LECT2: variants seen among roughly 807,000 people sequenced by gnomAD.
LECT2 encodes the protein leukocyte cell-derived chemotaxin-2.
LECT2 carries 11 observed loss-of-function variants against 16.6 expected under a neutral mutation model. That is an observed-to-expected ratio of 0.66 (90% CI 0.42 to 1.09). LECT2 has a LOEUF of 1.09. Ranked by LOEUF, LECT2 falls within the 50% of genes least tolerant of loss-of-function variation. The probability of loss-of-function intolerance (pLI) is 0.00; values close to 1 mark genes in which losing one functional copy is unlikely to be tolerated. For synonymous variants in LECT2, 54 were observed against 64.8 expected, an observed-to-expected ratio of 0.83 and a Z score of 0.80; for missense variants, 173 against 184.2, an observed-to-expected ratio of 0.94 and a Z score of 0.35.
rs766289861 is a variant in LECT2 at position 135,951,273 on chromosome 5, G to A, written c.239C>T (p.Pro80Leu). The A allele has an allele frequency of 6.2e-7, 1 of 1,614,138 alleles. No individual in the cohort carries two copies. Among genetic ancestry groups the A allele is most frequent in the Non-Finnish European group, 8.5e-7 (1 of 1,179,998 alleles). Residue 80 changes from proline (P) to leucine (L), a missense_variant, in exon 3 of 4, where the codon CCT (proline) becomes CTT (leucine). By Grantham distance (98) the Pro-to-Leu change is moderately conservative. Transcript: ENST00000274507. Reference sequence around the variant, plus strand: ...ATTGATAGCATTCTTGTTTTGATAAGGTTTCTCCTGGCCCACAATCATTCC... The same window carrying A: ...ATTGATAGCATTCTTGTTTTGATAAAGTTTCTCCTGGCCCACAATCATTCC... ...FTGMIVGQEK[P>L]YQNKNAINNG... is the part of the protein sequence containing the mutation.
chr5:135,947,213 G>A lies in LECT2; in HGVS notation c.*118C>T. The A allele has an allele frequency of 1.2e-6, 1 of 860,480 alleles. No homozygotes were observed. Among genetic ancestry groups the A allele is most frequent in the Middle Eastern group, 2.3e-4 (1 of 4,260 alleles). The allele number at this position is 860,480 out of a possible 1,614,324, so 53.3% of individuals were successfully genotyped here. A position where few individuals can be genotyped will look rare whatever the true frequency, so the allele number is the denominator to read the frequency against. On this transcript the variant is annotated 3_prime_UTR_variant, in exon 4 of 4. Transcript: ENST00000274507. ...GTAATAATCATGTCATGGAAAATGGGGTATCCATCCCTTCATGCATTTTTC... is the reference window on the plus strand; with the variant it reads ...GTAATAATCATGTCATGGAAAATGGAGTATCCATCCCTTCATGCATTTTTC...
intron 1 of LECT2, among the ~76,000 whole-genome samples, chr5:135,954,437 G>C (rs1019419370): frequency 7.2e-5 from 11 of 152,156 alleles, no homozygotes; most frequent in Non-Finnish European, 1.5e-4. Flanking sequence ...CTCTGTATTA[G>C]TATCTGTATC....
chr5:135,951,102 T>C (rs1580673838), intron 3 of LECT2, 121 bp downstream of exon 3: 3 of 1,038,248 alleles, frequency 2.9e-6, no homozygotes, highest in South Asian at 1.6e-5. Context: ...CTATATTCTT[T>C]CTGTTCCAGG....
chr5:135,952,740 TA>T, intron 2 of LECT2, 130 bp downstream of exon 2: 1 of 630,310 alleles, frequency 1.6e-6, no homozygotes, highest in Admixed American at 2.4e-5. Flanking sequence ...GACAGTGATG[TA>T]ACTGGTTACA....
intron 3 of LECT2, among the ~76,000 whole-genome samples, chr5:135,949,028 G>T (rs1328724112): frequency 6.6e-6 from 1 of 152,106 alleles, no homozygotes; most frequent in Non-Finnish European, 1.5e-5. Flanking sequence ...GGATAGTTCT[G>T]CTGTAGAAGA....
At position 135,947,156 on chromosome 5, in the gene LECT2, A is replaced by T; in HGVS notation, c.*175T>A. 1 of 547,146 alleles carries T rather than the reference A, an allele frequency of 1.8e-6. No individual in the cohort carries two copies. The highest frequency in any genetic ancestry group is 3.1e-6 in the Non-Finnish European group (1 of 317,468). The allele number at this position is 547,146 out of a possible 1,614,324, so 33.9% of individuals were successfully genotyped here. ...ACATAGGTGTATTTGTTTATGAGGT[A>T]CGTGAGATGTTTTGATACAGGCATG... On this transcript the variant is annotated 3_prime_UTR_variant, in exon 4 of 4. Transcript: ENST00000274507.
intron 2 of LECT2, 57 bp from the exon 3 acceptor site, chr5:135,951,425 C>T: frequency 6.6e-7 from 1 of 1,513,352 alleles, no homozygotes; most frequent in Non-Finnish European, 9.0e-7. Context: ...AGCTTTACTG[C>T]CTGGGAACAT....
chr5:135,952,566 T>C (rs578224280), intron 2 of LECT2, among the ~76,000 whole-genome samples: 1 of 152,338 alleles, frequency 6.6e-6, no homozygotes, highest in Non-Finnish European at 1.5e-5. Flanking sequence ...AATGGGATAG[T>C]TGTGTTTAAT....
intron 3 of LECT2, among the ~76,000 whole-genome samples, chr5:135,949,444 A>C (rs1763760118): frequency 6.6e-6 from 1 of 152,202 alleles, no homozygotes; most frequent in Non-Finnish European, 1.5e-5. Flanking sequence ...ACCCTAGTGA[A>C]AAGCTATATT....
intron 3 of LECT2, among the ~76,000 whole-genome samples, chr5:135,948,495 G>A (rs1763734238): frequency 6.6e-6 from 1 of 151,822 alleles, no homozygotes; most frequent in Non-Finnish European, 1.5e-5. Context: ...GTGCTTTAAT[G>A]GTAAAATACA....
intron 1 of LECT2, chr5:135,953,243 C>T (rs1297628135): frequency 3.0e-6 from 1 of 330,862 alleles, no homozygotes; most frequent in African/African-American, 2.2e-5. Context: ...CACTCTGTTG[C>T]CAAGCTGGAG....
At chr5:135,948,376 G>A (rs31527) in intron 3 of LECT2, among the ~76,000 whole-genome samples, 22,502 of 152,044 alleles carry the variant, frequency 0.15, 1,896 homozygotes, top group Admixed American at 0.23. Context: ...ACTGCAAACC[G>A]GTCAAGTGAG....
intron 3 of LECT2, 92 bp from the exon 4 acceptor site, chr5:135,947,589 AG>A: frequency 3.0e-6 from 4 of 1,327,220 alleles, no homozygotes; most frequent in Non-Finnish European, 4.0e-6. Context: ...AATAAAAAAA[AG>A]AATGTTGAAT....
intron 3 of LECT2, among the ~76,000 whole-genome samples, chr5:135,947,886 C>T (rs1017274173): frequency 1.3e-5 from 2 of 151,980 alleles, no homozygotes; most frequent in African/African-American, 4.8e-5. Flanking sequence ...GGCAAAGACC[C>T]AAGTAGAGAA....
At position 135,947,231 on chromosome 5, in the gene LECT2, CATTTTTCCTTTGTGAACACAA is replaced by C; in HGVS notation, c.*79_*99del. On this transcript the variant is annotated 3_prime_UTR_variant, in exon 4 of 4. Transcript: ENST00000274507. Reference sequence around the variant, plus strand: ...AAAATGGGGTATCCATCCCTTCATGCATTTTTCCTTTGTGAACACAAATTTCTTGAAGAGAAGGGTATGCAT... The same window carrying C: ...AAAATGGGGTATCCATCCCTTCATGCATTTCTTGAAGAGAAGGGTATGCAT... 9.2e-7 allele frequency: 1 copy of C among 1,092,158 alleles called. No homozygotes were observed. The highest frequency in any genetic ancestry group is 1.3e-6 in the Non-Finnish European group (1 of 740,852). The allele number at this position is 1,092,158 out of a possible 1,614,324, so 67.7% of individuals were successfully genotyped here.
In LECT2 at chr5:135,954,790, G is replaced by A. The variant is rs569920367; in HGVS notation, c.44C>T (p.Thr15Ile). The A allele has an allele frequency of 2.2e-5, 35 of 1,611,500 alleles. No homozygotes were observed. Among genetic ancestry groups the A allele is most frequent in the Non-Finnish European group, 2.7e-5 (32 of 1,177,774 alleles). ...KALLLAGLIS[T>I]ALAGPWANIC... is the part of the protein sequence containing the mutation. The stretch of plus-strand genomic sequence containing the variant: ...CTAAAATTGCACTTTCGACTTACCG[G>A]TAGAAATCAGACCAGCCAAAAGGAG... Residue 15 changes from threonine to isoleucine, a missense_variant and splice_region_variant, in exon 1 of 4, where the codon ACC (threonine) becomes ATC (isoleucine). Physicochemically the swap from Thr to Ile is moderately conservative, Grantham distance 89. Coordinates refer to ENST00000274507, the MANE Select transcript of LECT2 (RefSeq NM_002302.3).
Position 135,947,187 on chromosome 5 carries a change from T to C in LECT2, c.*144A>G. On this transcript the variant is annotated 3_prime_UTR_variant, in exon 4 of 4. Coordinates refer to ENST00000274507, the MANE Select transcript of LECT2 (RefSeq NM_002302.3). ...GATGTTTTGATACAGGCATGCAATG[T>C]GTAATAATCATGTCATGGAAAATGG... 2 of 697,960 alleles carry C rather than the reference T, an allele frequency of 2.9e-6. 1 individual carries two copies. The highest frequency in any genetic ancestry group is 4.1e-5 in the South Asian group (2 of 49,268). 43.2% of individuals were successfully genotyped at this position (697,960 alleles called of 1,614,324 possible). A position where few individuals can be genotyped will look rare whatever the true frequency, so the allele number is the denominator to read the frequency against.
chr5:135,949,844 A>C (rs1476073465), intron 3 of LECT2, among the ~76,000 whole-genome samples: 1 of 152,224 alleles, frequency 6.6e-6, no homozygotes, highest in Non-Finnish European at 1.5e-5. Flanking sequence ...ATAAGGCTTT[A>C]GTTGGCTGCT....
At chr5:135,953,206 A>ATT (rs61541305) in intron 1 of LECT2, 1,143 of 316,828 alleles carry the variant, frequency 3.6e-3, no homozygotes, top group Middle Eastern at 5.6e-3. Context: ...AGTGAATACA[A>ATT]TTTTTTTTTT....
Sources: allele counts gnomAD v4.1 joint callset (sites outside exome capture counted in the v4.1 genomes callset), GRCh38; gene constraint gnomAD v4.1.1; transcripts MANE v1.5; gene names NCBI Gene and HGNC (gene_info 2026-07-23, HGNC 2026-07-21).